The following PALM2AKAP2 variants were observed in gnomAD, a reference collection of about 807,000 sequenced individuals.
The protein encoded by PALM2AKAP2 is PALM2 and AKAP2 fusion.
In PALM2AKAP2, 37 loss-of-function variants were observed where a neutral mutation model predicts 71.5. The observed-to-expected ratio is 0.52, with a 90% CI of 0.40 to 0.68. The LOEUF (loss-of-function observed/expected upper bound fraction) is 0.68. Among genes scored for constraint, PALM2AKAP2 ranks in the 30% least tolerant of loss-of-function variants. The pLI is 0.00. For missense variants in PALM2AKAP2, 1,224 were observed against 1,191.8 expected, an observed-to-expected ratio of 1.03 and a Z score of -0.40; for synonymous variants, 468 against 478.8, an observed-to-expected ratio of 0.98 and a Z score of 0.29.
At chr9:109,935,973 C>T (rs561999462) in intron 6 of PALM2AKAP2, among the ~76,000 whole-genome samples, 4 of 152,298 alleles carry the variant, frequency 2.6e-5, no homozygotes, top group African/African-American at 9.6e-5. Context: ...ATTGGCTTGC[C>T]TTTATTATCC....
chr9:110,152,355 G>A (rs1323283109), intron 2 of PALM2AKAP2, among the ~76,000 whole-genome samples: 1 of 152,214 alleles, frequency 6.6e-6, no homozygotes, highest in African/African-American at 2.4e-5. Flanking sequence ...AATCATTACA[G>A]GTGAATAAAC....
At chr9:109,825,713 A>C (rs1003857963) in intron 1 of PALM2AKAP2, among the ~76,000 whole-genome samples, 2 of 152,228 alleles carry the variant, frequency 1.3e-5, no homozygotes, top group East Asian at 1.9e-4. Context: ...GTCAGGGAAC[A>C]ACAGGTGCTG....
intron 1 of PALM2AKAP2, among the ~76,000 whole-genome samples, chr9:109,673,977 G>C (rs1827612926): frequency 6.6e-6 from 1 of 151,694 alleles, no homozygotes. Context: ...CCTTTATTTT[G>C]AGTCTATGTT....
intron 1 of PALM2AKAP2, among the ~76,000 whole-genome samples, chr9:109,679,650 C>G (rs1259581379): frequency 6.6e-6 from 1 of 152,056 alleles, no homozygotes; most frequent in Non-Finnish European, 1.5e-5. Flanking sequence ...TTCTAAAGCT[C>G]AAAAGTCATC....
intron 1 of PALM2AKAP2, among the ~76,000 whole-genome samples, chr9:109,705,711 G>C (rs1828133070): frequency 6.6e-6 from 1 of 152,192 alleles, no homozygotes; most frequent in Admixed American, 6.5e-5. Flanking sequence ...TAGTGGTTAA[G>C]TGCACAGATA....
At chr9:109,723,152 G>T (rs905099703) in intron 1 of PALM2AKAP2, among the ~76,000 whole-genome samples, 1 of 152,290 alleles carries the variant, frequency 6.6e-6, no homozygotes, top group Admixed American at 6.5e-5. Context: ...TGGAGGGAAG[G>T]AAAATAAATG....
chr9:109,844,039 C>T (rs1178473208), intron 1 of PALM2AKAP2, among the ~76,000 whole-genome samples: 1 of 152,172 alleles, frequency 6.6e-6, no homozygotes, highest in Non-Finnish European at 1.5e-5. Flanking sequence ...CTCAAACTGC[C>T]TTTTGATGAT....
At chr9:109,740,755 G>A (rs1171651012) in intron 1 of PALM2AKAP2, among the ~76,000 whole-genome samples, 2 of 152,178 alleles carry the variant, frequency 1.3e-5, no homozygotes, top group Non-Finnish European at 2.9e-5. Context: ...CCGGGTTCAA[G>A]CGATTCTCCT....
In PALM2AKAP2 at chr9:110,111,086, C is replaced by CTTTTTTTTTTTTTT. The variant is rs34958946; in HGVS notation, c.157-25031_157-25018dup. ...TCCTTTTTTCTTTTCTTTCTTTCTT[C>CTTTTTTTTTTTTTT]TTTTTTTTTTTTTTTTTTTTTTTGA... On this transcript the variant is annotated intron_variant, in intron 1 of 3. Transcript: ENST00000374525. 2.6e-4 allele frequency among the ~76,000 whole-genome samples: 22 copies of CTTTTTTTTTTTTTT among 84,188 alleles called. 1 individual carries two copies. The highest frequency in any genetic ancestry group is 4.1e-4 in the East Asian group (1 of 2,452). The allele number at this position is 84,188 out of a possible 152,430, so 55.2% of individuals were successfully genotyped here. A position where few individuals can be genotyped will look rare whatever the true frequency, so the allele number is the denominator to read the frequency against.
intron 1 of PALM2AKAP2, among the ~76,000 whole-genome samples, chr9:109,738,783 A>C (rs1564130355): frequency 6.6e-6 from 1 of 152,250 alleles, no homozygotes; most frequent in Non-Finnish European, 1.5e-5. Context: ...TAGTAAGCCC[A>C]AAAACTGGGA....
chr9:110,021,183 CTTA>C (rs1238415810), intron 7 of PALM2AKAP2, among the ~76,000 whole-genome samples: 3 of 152,128 alleles, frequency 2.0e-5, no homozygotes, highest in African/African-American at 7.2e-5. Context: ...GACACATGTC[CTTA>C]TAAGAGACAA....
intron 1 of PALM2AKAP2, among the ~76,000 whole-genome samples, chr9:109,700,706 C>A (rs186954377): frequency 1.0e-3 from 159 of 152,284 alleles, no homozygotes; most frequent in African/African-American, 3.6e-3. Context: ...CTCTTGGCAT[C>A]CTCCCCAAAT....
At chr9:110,091,048 A>T (rs1286871644) in intron 1 of PALM2AKAP2, among the ~76,000 whole-genome samples, 1 of 152,110 alleles carries the variant, frequency 6.6e-6, no homozygotes, top group Non-Finnish European at 1.5e-5. Flanking sequence ...GTTTGAAAAC[A>T]ACTACATGAG....
At chr9:110,128,216 C>T (rs1030161284) in intron 1 of PALM2AKAP2, among the ~76,000 whole-genome samples, 3 of 152,218 alleles carry the variant, frequency 2.0e-5, no homozygotes, top group African/African-American at 7.2e-5. Flanking sequence ...ACCCTCACCC[C>T]TTCTGCATTT....
chr9:109,660,659 G>A (rs796739666), intron 1 of PALM2AKAP2, among the ~76,000 whole-genome samples: 3 of 152,064 alleles, frequency 2.0e-5, no homozygotes, highest in African/African-American at 7.3e-5. Flanking sequence ...ATAAATATAC[G>A]TGTGCATGTG....
intron 2 of PALM2AKAP2, among the ~76,000 whole-genome samples, chr9:110,151,565 G>A (rs896539618): frequency 6.6e-5 from 10 of 152,046 alleles, no homozygotes; most frequent in Admixed American, 6.5e-4. Context: ...TTTTCTTTGA[G>A]GCATCAAGTA....
At chr9:109,828,651 G>T (rs1257816781) in intron 1 of PALM2AKAP2, among the ~76,000 whole-genome samples, 1 of 151,810 alleles carries the variant, frequency 6.6e-6, no homozygotes, top group East Asian at 1.9e-4. Flanking sequence ...AGAGATATTT[G>T]TTTGACTTTT....
chr9:110,080,242 A>T (rs1834420476), intron 1 of PALM2AKAP2, among the ~76,000 whole-genome samples: 2 of 152,116 alleles, frequency 1.3e-5, no homozygotes, highest in African/African-American at 4.8e-5. Flanking sequence ...ACCGCTGTTA[A>T]CCTACTGGTG....
At chr9:109,703,054 A>G (rs1828087941) in intron 1 of PALM2AKAP2, among the ~76,000 whole-genome samples, 1 of 152,118 alleles carries the variant, frequency 6.6e-6, no homozygotes, top group African/African-American at 2.4e-5. Context: ...CCTGACCTCA[A>G]GTGATCTGCC....
Sources: allele counts gnomAD v4.1 joint callset (sites outside exome capture counted in the v4.1 genomes callset), GRCh38; gene constraint gnomAD v4.1.1; transcripts MANE v1.5; gene names NCBI Gene and HGNC (gene_info 2026-07-23, HGNC 2026-07-21).